CIRSR: variants seen among roughly 807,000 people sequenced by gnomAD.
The protein encoded by CIRSR is corepressor of RBPJ and splicing regulator.
the CIRSR span, among the ~76,000 whole-genome samples, chr2:174,383,014 G>C: frequency 6.6e-6 from 1 of 152,114 alleles, no homozygotes; most frequent in Non-Finnish European, 1.5e-5. Flanking sequence ...AAAGGCCACA[G>C]GGATCTACAT....
chr2:174,367,018 G>C, the CIRSR span, among the ~76,000 whole-genome samples: 2 of 151,982 alleles, frequency 1.3e-5, no homozygotes, highest in Non-Finnish European at 2.9e-5. Flanking sequence ...TAACACCAGA[G>C]AAAACAGAAA....
At chr2:174,352,044 C>A in the CIRSR span, 3 of 184,030 alleles carry the variant, frequency 1.6e-5, no homozygotes, top group Admixed American at 1.8e-4. Flanking sequence ...TAATAAAAAA[C>A]TACAATTAAA....
At chr2:174,366,411 TGAAAAAA>T in the CIRSR span, among the ~76,000 whole-genome samples, 41 of 152,128 alleles carry the variant, frequency 2.7e-4, 2 homozygotes, top group East Asian at 1.5e-3. Flanking sequence ...ATTCACACTG[TGAAAAAA>T]TCAAAGATGA....
the CIRSR span, among the ~76,000 whole-genome samples, chr2:174,355,505 A>G: frequency 6.6e-6 from 1 of 152,218 alleles, no homozygotes; most frequent in African/African-American, 2.4e-5. Context: ...TGCTTTCAAC[A>G]TTCATTTATT....
At chr2:174,378,693 G>A in the CIRSR span, 3 of 501,016 alleles carry the variant, frequency 6.0e-6, no homozygotes, top group East Asian at 1.1e-4. Flanking sequence ...TAGTTCATAG[G>A]GCCTTTGGCT....
chr2:174,378,585 A>T, the CIRSR span: 1 of 296,090 alleles, frequency 3.4e-6, no homozygotes. Flanking sequence ...GTCTATTTTT[A>T]TAATTCAGGA....
chr2:174,395,202 AAGTAG>A, the CIRSR span, among the ~76,000 whole-genome samples: 1 of 152,188 alleles, frequency 6.6e-6, no homozygotes, highest in Admixed American at 6.5e-5. Flanking sequence ...TTGTACAGAA[AAGTAG>A]AGTTCAGAAG....
the CIRSR span, chr2:174,348,834 A>G: frequency 6.2e-7 from 1 of 1,614,142 alleles, no homozygotes; most frequent in Non-Finnish European, 8.5e-7. Flanking sequence ...CTCGTGTTTT[A>G]AGAACCTGGG....
chr2:174,356,527 GAAGA>G, the CIRSR span, among the ~76,000 whole-genome samples: 3 of 140,032 alleles, frequency 2.1e-5, no homozygotes, highest in Non-Finnish European at 3.1e-5. Flanking sequence ...AAGAAAGAAA[GAAGA>G]AAGGAAGGAA....
the CIRSR span, among the ~76,000 whole-genome samples, chr2:174,353,915 T>C: frequency 1.3e-5 from 2 of 152,146 alleles, no homozygotes; most frequent in Non-Finnish European, 2.9e-5. Context: ...AGATATCGAA[T>C]GAATTCAGAC....
At chr2:174,384,680 G>A in the CIRSR span, among the ~76,000 whole-genome samples, 3 of 151,482 alleles carry the variant, frequency 2.0e-5, no homozygotes, top group African/African-American at 7.3e-5. Flanking sequence ...CTGCCACAAA[G>A]TGTTGGGATT....
the CIRSR span, among the ~76,000 whole-genome samples, chr2:174,382,370 G>A: frequency 6.6e-6 from 1 of 152,142 alleles, no homozygotes; most frequent in African/African-American, 2.4e-5. Context: ...TGGGCACAGT[G>A]GCTCACACCT....
chr2:174,356,585 AAG>A, the CIRSR span, among the ~76,000 whole-genome samples: 4 of 120,446 alleles, frequency 3.3e-5, no homozygotes, highest in Admixed American at 2.8e-4. Flanking sequence ...AAAGGAAAGA[AAG>A]AAAGAGGGAG....
At chr2:174,357,838 A>G in the CIRSR span, among the ~76,000 whole-genome samples, 1 of 152,244 alleles carries the variant, frequency 6.6e-6, no homozygotes, top group South Asian at 2.1e-4. Context: ...CAGGAAAAAA[A>G]GTGAACAAAG....
At chr2:174,383,044 A>G in the CIRSR span, among the ~76,000 whole-genome samples, 2 of 152,356 alleles carry the variant, frequency 1.3e-5, no homozygotes, top group African/African-American at 4.8e-5. Context: ...GTAGATATAA[A>G]TAGAGTGATA....
chr2:174,349,253 T>A, the CIRSR span: 65 of 834,420 alleles, frequency 7.8e-5, no homozygotes, highest in South Asian at 1.3e-3. Context: ...AAACAATATA[T>A]TTTCTTAGAA....
At chr2:174,393,617 T>C in the CIRSR span, among the ~76,000 whole-genome samples, 1 of 151,958 alleles carries the variant, frequency 6.6e-6, no homozygotes, top group East Asian at 1.9e-4. Context: ...CCACCATACC[T>C]GGCCCTTAAA....
the CIRSR span, among the ~76,000 whole-genome samples, chr2:174,381,132 T>TA: frequency 1.3e-5 from 2 of 152,196 alleles, no homozygotes; most frequent in East Asian, 3.8e-4. Context: ...TGCAAATTAT[T>TA]AAAGAATAAG....
At chr2:174,395,646 C>T in the CIRSR span, 572 of 1,614,162 alleles carry the variant, frequency 3.5e-4, 5 homozygotes, top group East Asian at 9.1e-4. Flanking sequence ...CTAGGGAAAG[C>T]AGGGGCTAGA....
Sources: allele counts gnomAD v4.1 joint callset (sites outside exome capture counted in the v4.1 genomes callset), GRCh38; gene constraint gnomAD v4.1.1; transcripts MANE v1.5; gene names NCBI Gene and HGNC (gene_info 2026-07-23, HGNC 2026-07-21).